The following DSTYK variants were observed in gnomAD, a reference collection of about 807,000 sequenced individuals.
DSTYK encodes RIP-homologous kinase.
In DSTYK, 34 loss-of-function variants were observed where a neutral mutation model predicts 98.7. The observed-to-expected ratio is 0.34, with a 90% CI of 0.26 to 0.46. The LOEUF (loss-of-function observed/expected upper bound fraction) is 0.46. Ranked by LOEUF, DSTYK falls within the 20% of genes least tolerant of loss-of-function variation. The pLI is 1.00. For missense variants in DSTYK, 962 were observed against 1,181.7 expected (o/e 0.81, Z 2.73); for synonymous variants, 462 against 457.3 (o/e 1.01, Z -0.13).
chr1:205,159,230 C>T (rs1657644461), intron 9 of DSTYK, among the ~76,000 whole-genome samples: 1 of 152,062 alleles, frequency 6.6e-6, no homozygotes, highest in Non-Finnish European at 1.5e-5. Flanking sequence ...GCTGGGACTA[C>T]AGGTATGAGC....
At chr1:205,203,367 A>G (rs1659099349) in intron 1 of DSTYK, among the ~76,000 whole-genome samples, 1 of 150,070 alleles carries the variant, frequency 6.7e-6, no homozygotes, top group African/African-American at 2.5e-5. Flanking sequence ...CTGCAGTCCC[A>G]GCTACTTGGG....
In DSTYK at chr1:205,143,475, G is replaced by T. The variant is rs1301910486; in HGVS notation, c.*4083C>A. 5 of 152,242 alleles carry T rather than the reference G, an allele frequency of 3.3e-5. No homozygotes were observed. Among genetic ancestry groups the T allele is most frequent in the African/African-American group, 1.2e-4 (5 of 41,406 alleles). 9.4% of individuals were successfully genotyped at this position (152,242 alleles called of 1,614,324 possible). ...TCTTTTGGCAGTGGACTCTTCCAGG[G>T]TTGTTAATCCCACTCTGACACAATA... On this transcript the variant is annotated 3_prime_UTR_variant, in exon 13 of 13. Coordinates refer to ENST00000367162, the MANE Select transcript of DSTYK (RefSeq NM_015375.3).
chr1:205,203,595 G>A, intron 1 of DSTYK, among the ~76,000 whole-genome samples: 1 of 130,410 alleles, frequency 7.7e-6, no homozygotes, highest in Non-Finnish European at 1.6e-5. Context: ...GGAAGGGAGG[G>A]GGCAGAATTT....
chr1:205,183,908 G>A (rs1658492221), intron 2 of DSTYK, among the ~76,000 whole-genome samples: 1 of 152,206 alleles, frequency 6.6e-6, no homozygotes, highest in Admixed American at 6.5e-5. Context: ...GATCTGGTAT[G>A]AGGCCTACAT....
chr1:205,166,028 A>C (rs1247317031), intron 3 of DSTYK, among the ~76,000 whole-genome samples: 1 of 152,080 alleles, frequency 6.6e-6, no homozygotes, highest in Non-Finnish European at 1.5e-5. Context: ...TCTCAAAAAA[A>C]AATAAATAAA....
Position 205,172,701 on chromosome 1 carries a change from T to G in DSTYK, c.655-2869A>C, listed in dbSNP as rs79289415. ...CAAAGAACTATGCTATATTCTCAGA[T>G]AGGTCACATAACTTTAATTTGCCTG... On this transcript the variant is annotated intron_variant, in intron 2 of 12. Transcript: ENST00000367162. Among the ~76,000 whole-genome samples the G allele has an allele frequency of 8.2e-4, 125 of 152,300 alleles. 2 individuals carry two copies. In the East Asian group the frequency reaches 0.023, roughly 28 times the overall value.
At chr1:205,180,117 GT>G in intron 2 of DSTYK, among the ~76,000 whole-genome samples, 1 of 152,128 alleles carries the variant, frequency 6.6e-6, no homozygotes, top group East Asian at 1.9e-4. Flanking sequence ...ATTTTGTTTT[GT>G]TTTGTTTTTA....
At chr1:205,161,223 A>C in intron 7 of DSTYK, 35 bp downstream of exon 7, 8 of 1,612,266 alleles carry the variant, frequency 5.0e-6, no homozygotes, top group Non-Finnish European at 6.8e-6. Context: ...ATCCTGAACC[A>C]TCCTCCAGTT....
chr1:205,169,964 T>C lies in DSTYK; in HGVS notation c.655-132A>G. The C allele has an allele frequency of 1.3e-6, 1 of 783,570 alleles. No individual in the cohort carries two copies. The allele number at this position is 783,570 out of a possible 1,614,324, so 48.5% of individuals were successfully genotyped here. ...TGGACTTCGGTACCCCAGCCATTGA[T>C]CCACCTCCTTCCTCGGTTACCAACA... On this transcript the variant is annotated intron_variant, in intron 2 of 12. Coordinates refer to ENST00000367162, the MANE Select transcript of DSTYK (RefSeq NM_015375.3). The surrounding 1 kb of genome is among the most constrained non-coding windows in gnomAD (Gnocchi z 4.0).
chr1:205,167,833 G>A (rs1466399175), intron 3 of DSTYK, among the ~76,000 whole-genome samples: 1 of 152,176 alleles, frequency 6.6e-6, no homozygotes, highest in African/African-American at 2.4e-5. Flanking sequence ...AAGATTAATC[G>A]AGGCCAGGTG....
chr1:205,148,819 A>G (rs1657319755), intron 11 of DSTYK, among the ~76,000 whole-genome samples: 1 of 152,186 alleles, frequency 6.6e-6, no homozygotes, highest in Non-Finnish European at 1.5e-5. Flanking sequence ...TCCAACAGCA[A>G]TAGGGTGGAC....
At chr1:205,200,262 T>A (rs1306032492) in intron 1 of DSTYK, among the ~76,000 whole-genome samples, 2 of 152,162 alleles carry the variant, frequency 1.3e-5, no homozygotes, top group Non-Finnish European at 2.9e-5. Flanking sequence ...AGTCTTGAAC[T>A]ACTAACCTCA....
chr1:205,210,177 A>T (rs1399732775), intron 1 of DSTYK, among the ~76,000 whole-genome samples: 1 of 152,118 alleles, frequency 6.6e-6, no homozygotes, highest in East Asian at 1.9e-4. Context: ...TGCTGGGATT[A>T]CAGACGTGAG....
chr1:205,199,774 G>A (rs1390018953), intron 1 of DSTYK, among the ~76,000 whole-genome samples: 2 of 152,086 alleles, frequency 1.3e-5, no homozygotes, highest in Non-Finnish European at 2.9e-5. Flanking sequence ...ATCCCTAGAG[G>A]CTATTTTCCT....
chr1:205,149,249 T>C (rs1329068060), intron 11 of DSTYK, among the ~76,000 whole-genome samples: 2 of 152,010 alleles, frequency 1.3e-5, no homozygotes, highest in Non-Finnish European at 2.9e-5. Flanking sequence ...AAATGATGAC[T>C]ATCTACTTGG....
At chr1:205,159,111 T>C (rs1657641404) in intron 9 of DSTYK, among the ~76,000 whole-genome samples, 1 of 151,986 alleles carries the variant, frequency 6.6e-6, no homozygotes, top group Admixed American at 6.6e-5. Flanking sequence ...TTTTTAGAGA[T>C]AGGGTCTTGC....
chr1:205,207,080 CT>C (rs34237326), intron 1 of DSTYK, among the ~76,000 whole-genome samples: 437 of 140,620 alleles, frequency 3.1e-3, no homozygotes, highest in East Asian at 3.9e-3. Flanking sequence ...ACTCCAGTAT[CT>C]TTTTTTTTTT....
rs748874395 is a variant in DSTYK at position 205,211,412 on chromosome 1, G to GCAGCCGTCC, written c.115_123dup (p.Gly39_Leu41dup). The GCAGCCGTCC allele has an allele frequency of 6.2e-7, 1 of 1,610,442 alleles. No individual in the cohort carries two copies. Among genetic ancestry groups the GCAGCCGTCC allele is most frequent in the South Asian group, 1.1e-5 (1 of 90,712 alleles). ...TTCTGGGTCTCGCGCAGGTTCTGTCGCAGCCGTCCCAGGTAGCGGCGGTAG... is the reference window on the plus strand; with the variant it reads ...TTCTGGGTCTCGCGCAGGTTCTGTCGCAGCCGTCCCAGCCGTCCCAGGTAGCGGCGGTAG... On this transcript the variant is annotated inframe_insertion, in exon 1 of 13. Coordinates refer to ENST00000367162, the MANE Select transcript of DSTYK (RefSeq NM_015375.3).
At position 205,211,514 on chromosome 1, in the gene DSTYK, A is replaced by C. The variant is rs761207358; in HGVS notation, c.22T>G (p.Trp8Gly). Residue 8 changes from tryptophan to glycine, a missense_variant, in exon 1 of 13, where the codon TGG (tryptophan) becomes GGG (glycine). Physicochemically the swap from Trp to Gly is radical, Grantham distance 184. Around this residue, in one of 4 missense-constraint regions of DSTYK, gnomAD observed 168 missense variants for 120.0 expected, o/e 1.40. Transcript: ENST00000367162. MEGDGVP[W>G]GSEPVSGPGP... ...GGACCCGAGACGGGCTCGCTGCCCC[A>C]TGGCACCCCGTCGCCCTCCATCGCC... is the stretch of plus-strand genomic sequence containing the variant. The C allele has an allele frequency of 2.2e-5, 35 of 1,559,586 alleles. No individual in the cohort carries two copies. In the African/African-American group the frequency reaches 2.6e-4, roughly 12 times the overall value.
Sources: allele counts gnomAD v4.1 joint callset (sites outside exome capture counted in the v4.1 genomes callset), GRCh38; gene constraint gnomAD v4.1.1; regional missense constraint gnomAD v4.1.1; non-coding constraint Gnocchi (gnomAD v3.1); transcripts MANE v1.5; gene names NCBI Gene and HGNC (gene_info 2026-07-23, HGNC 2026-07-21).